VAV2: variants seen among roughly 807,000 people sequenced by gnomAD.
VAV2 encodes the protein vav guanine nucleotide exchange factor 2.
In VAV2, 67 loss-of-function variants were observed where a neutral mutation model predicts 132.5. The observed-to-expected ratio is 0.51, with a 90% CI of 0.42 to 0.62. The LOEUF is 0.62. Among genes scored for constraint, VAV2 ranks in the 20% least tolerant of loss-of-function variants. The probability of loss-of-function intolerance (pLI) is 0.00; values close to 1 mark genes in which losing one functional copy is unlikely to be tolerated. For synonymous variants in VAV2, 492 were observed against 443.5 expected, an observed-to-expected ratio of 1.11 and a Z score of -1.37; for missense variants, 938 against 1,153.6, an observed-to-expected ratio of 0.81 and a Z score of 2.71.
Position 133,780,582 on chromosome 9 carries a change from C to T in VAV2, c.1740+112G>A, listed in dbSNP as rs548061321. On this transcript the variant is annotated intron_variant, in intron 20 of 29. Coordinates refer to ENST00000371850, the MANE Select transcript of VAV2 (RefSeq NM_001134398.2). ...GTGACCAAAAGTGGCTCATCCAAGC[C>T]GGTGTGGCCCCATGAGTGGTGAAAG... 2.1e-4 allele frequency: 262 copies of T among 1,222,234 alleles called. 1 individual carries two copies. In the South Asian group the frequency reaches 5.0e-3, roughly 23 times the overall value. 75.7% of individuals were successfully genotyped at this position (1,222,234 alleles called of 1,614,324 possible). A position where few individuals can be genotyped will look rare whatever the true frequency, so the allele number is the denominator to read the frequency against.
At chr9:133,967,590 TG>T (rs1170323026) in intron 1 of VAV2, among the ~76,000 whole-genome samples, 8 of 152,146 alleles carry the variant, frequency 5.3e-5, no homozygotes, top group Non-Finnish European at 4.4e-5. Context: ...GCAATGTGGA[TG>T]GAACTAGAGG....
chr9:133,848,360 C>A (rs1454632558), intron 3 of VAV2, among the ~76,000 whole-genome samples: 1 of 151,320 alleles, frequency 6.6e-6, no homozygotes, highest in African/African-American at 2.4e-5. Context: ...AAAGGGTAAA[C>A]CCCAAATTTA....
In VAV2 at chr9:133,956,056, A is replaced by G. The variant is rs192972024; in HGVS notation, c.205-16837T>C. 3.1e-4 allele frequency among the ~76,000 whole-genome samples: 47 copies of G among 151,942 alleles called. 1 individual carries two copies. The highest frequency in any genetic ancestry group is 1.1e-3 in the African/African-American group (45 of 41,446). On this transcript the variant is annotated intron_variant, in intron 1 of 29. Transcript: ENST00000371850. ...CCTGGAGCCCACGGGGCCAGGAGGC[A>G]CAAAGCACAGCTTCCCAGGTGACGC...
At chr9:133,945,154 G>T (rs924435934) in intron 1 of VAV2, among the ~76,000 whole-genome samples, 1 of 152,238 alleles carries the variant, frequency 6.6e-6, no homozygotes, top group African/African-American at 2.4e-5. Context: ...ATGGATCTGG[G>T]ATGGTTTGAC....
chr9:133,885,037 T>C lies in VAV2; in HGVS notation c.322-23605A>G, dbSNP rs141593347. ...CTCCACTTCCAGGCCGATGACACCA[T>C]CTGAGCCAGCCACAGTGACAGGCAG... On this transcript the variant is annotated intron_variant, in intron 2 of 29. Transcript: ENST00000371850. This position sits in a 1 kb window ranked among gnomAD's most constrained non-coding sequence, Gnocchi z 5.0. Among the ~76,000 whole-genome samples the C allele has an allele frequency of 4.0e-3, 615 of 152,146 alleles. 4 individuals are homozygous for C. Among genetic ancestry groups the C allele is most frequent in the African/African-American group, 0.014 (585 of 41,496 alleles).
At chr9:133,801,510 G>A (rs760894382) in intron 9 of VAV2, among the ~76,000 whole-genome samples, 7 of 152,190 alleles carry the variant, frequency 4.6e-5, no homozygotes, top group Non-Finnish European at 7.3e-5. Flanking sequence ...AAGGACACTC[G>A]AGGGGCCCGC....
intron 4 of VAV2, among the ~76,000 whole-genome samples, chr9:133,814,799 G>A (rs7047672): frequency 0.051 from 7,690 of 152,084 alleles, 330 homozygotes; most frequent in African/African-American, 0.12. Flanking sequence ...CTGACGACAT[G>A]CAACGTCTTT....
intron 2 of VAV2, among the ~76,000 whole-genome samples, chr9:133,874,100 C>A (rs557469762): frequency 6.6e-6 from 1 of 152,236 alleles, no homozygotes; most frequent in Admixed American, 6.5e-5. Context: ...CAGCAGAGCC[C>A]GGCTCTCCAC....
chr9:133,884,828 C>T lies in VAV2; in HGVS notation c.322-23396G>A, dbSNP rs2131950153. On this transcript the variant is annotated intron_variant, in intron 2 of 29. Coordinates refer to ENST00000371850, the MANE Select transcript of VAV2 (RefSeq NM_001134398.2). The surrounding 1 kb of genome is among the most constrained non-coding windows in gnomAD (Gnocchi z 5.3). ...ACCCAGGGAAGGAAGCACCACTGGG[C>T]AGGCAGCTCTATCAGAGACCACAGG... is the stretch of plus-strand genomic sequence containing the variant. 6.6e-6 allele frequency among the ~76,000 whole-genome samples: 1 copy of T among 152,294 alleles called. No homozygotes were observed. The highest frequency in any genetic ancestry group is 2.4e-5 in the African/African-American group (1 of 41,578).
rs761585992 is a variant in VAV2, at chr9:133,809,149, G to GA, written c.568-12dup. The GA allele has an allele frequency of 6.2e-6, 10 of 1,613,014 alleles. No homozygotes were observed. In the African/African-American group the frequency reaches 9.3e-5, roughly 15 times the overall value. On this transcript the variant is annotated splice_polypyrimidine_tract_variant and intron_variant, in intron 6 of 29. Coordinates refer to ENST00000371850, the MANE Select transcript of VAV2 (RefSeq NM_001134398.2). ...AGTCATGCCCATTTTCTAGAGGAGG[G>GA]AAGGGGGAGTCAGCAGGACCCCATG...
intron 4 of VAV2, among the ~76,000 whole-genome samples, chr9:133,830,479 T>C (rs1453323230): frequency 1.3e-5 from 2 of 152,146 alleles, no homozygotes; most frequent in Non-Finnish European, 2.9e-5. Flanking sequence ...TCTGATGGTT[T>C]TATAAGGGGC....
chr9:133,953,759 C>A (rs1841647088), intron 1 of VAV2, among the ~76,000 whole-genome samples: 1 of 152,084 alleles, frequency 6.6e-6, no homozygotes, highest in African/African-American at 2.4e-5. Context: ...GTCCCCCACA[C>A]CCACCCTGGG....
Position 133,787,201 on chromosome 9 carries a change from G to A in VAV2, c.1422+45C>T, listed in dbSNP as rs1489422862. The A allele has an allele frequency of 2.6e-6, 4 of 1,546,922 alleles. No individual in the cohort carries two copies. The African/African-American group carries it at 5.5e-5, about 21-fold the overall frequency. On this transcript the variant is annotated intron_variant, in intron 16 of 29. Transcript: ENST00000371850. ...CGGGCAGAAGTGCCAGCACCAGGCTGGGATGATTGAGGCAGGTGGGAGGAC... is the reference window on the plus strand; with the variant it reads ...CGGGCAGAAGTGCCAGCACCAGGCTAGGATGATTGAGGCAGGTGGGAGGAC...
Position 133,763,744 on chromosome 9 carries a change from A to G in VAV2, c.*318T>C, listed in dbSNP as rs970193161. On this transcript the variant is annotated 3_prime_UTR_variant, in exon 30 of 30. Coordinates refer to ENST00000371850, the MANE Select transcript of VAV2 (RefSeq NM_001134398.2). The surrounding 1 kb of genome is among the most constrained non-coding windows in gnomAD (Gnocchi z 6.8). ...AAGGCCATCTCAGTTGGACAGGGGC[A>G]GGCGATGGGCCTCTGGCCTCAGCCA... is the stretch of plus-strand genomic sequence containing the variant. The G allele has an allele frequency of 2.3e-5, 9 of 387,242 alleles. No individual in the cohort carries two copies. Among genetic ancestry groups the G allele is most frequent in the Non-Finnish European group, 4.4e-5 (9 of 206,866 alleles). 24.0% of individuals were successfully genotyped at this position (387,242 alleles called of 1,614,324 possible).
intron 2 of VAV2, among the ~76,000 whole-genome samples, chr9:133,917,218 G>T (rs766526121): frequency 3.3e-5 from 5 of 151,956 alleles, no homozygotes; most frequent in Non-Finnish European, 7.4e-5. Context: ...CTCTTCCAGG[G>T]GCCAAGTTCT....
chr9:133,929,090 A>G (rs1726191768), intron 2 of VAV2, among the ~76,000 whole-genome samples: 1 of 152,156 alleles, frequency 6.6e-6, no homozygotes, highest in African/African-American at 2.4e-5. Context: ...CATTTTACAG[A>G]TGGGGAAATG....
chr9:133,828,750 C>G (rs1416552479), intron 4 of VAV2, among the ~76,000 whole-genome samples: 2 of 152,244 alleles, frequency 1.3e-5, no homozygotes, highest in Non-Finnish European at 2.9e-5. Flanking sequence ...CCTTGTCCCA[C>G]AATAGCACAA....
At chr9:133,962,271 T>A (rs1011761583) in intron 1 of VAV2, among the ~76,000 whole-genome samples, 1 of 152,048 alleles carries the variant, frequency 6.6e-6, no homozygotes, top group African/African-American at 2.4e-5. Flanking sequence ...AGGAGGGAGA[T>A]GCAGGGAAGC....
intron 2 of VAV2, among the ~76,000 whole-genome samples, chr9:133,869,242 C>T (rs1440948071): frequency 6.6e-6 from 1 of 152,080 alleles, no homozygotes; most frequent in South Asian, 2.1e-4. Flanking sequence ...CCCACCTCGG[C>T]CTCCCAAAGT....
Sources: allele counts gnomAD v4.1 joint callset (sites outside exome capture counted in the v4.1 genomes callset), GRCh38; gene constraint gnomAD v4.1.1; non-coding constraint Gnocchi (gnomAD v3.1); transcripts MANE v1.5; gene names NCBI Gene and HGNC (gene_info 2026-07-23, HGNC 2026-07-21).